FIG4: variants seen among roughly 807,000 people sequenced by gnomAD.
FIG4 encodes polyphosphoinositide phosphatase.
A neutral mutation model predicts 118.6 loss-of-function variants in FIG4; 112 were observed. The ratio of observed to expected loss-of-function variants is 0.94; its 90% CI spans 0.81 to 1.11. The LOEUF is 1.11. Ranked by LOEUF, FIG4 falls within the 50% of genes least tolerant of loss-of-function variation. FIG4 has a pLI of 0.00. For missense variants in FIG4, 969 were observed against 1,111.7 expected, an observed-to-expected ratio of 0.87 and a Z score of 1.83; for synonymous variants, 369 against 381.2, an observed-to-expected ratio of 0.97 and a Z score of 0.37.
rs140009840 is a variant in FIG4 at position 109,696,974 on chromosome 6, C to T, written c.66+5473C>T. On this transcript the variant is annotated intron_variant, in intron 1 of 22. Coordinates refer to ENST00000230124, the MANE Select transcript of FIG4 (RefSeq NM_014845.6). ...CCTGATTTGATCATTACACAGTGTACGCATGTATTAAAATATCACTCTATG... is the reference window on the plus strand; with the variant it reads ...CCTGATTTGATCATTACACAGTGTATGCATGTATTAAAATATCACTCTATG... 9.4e-4 allele frequency among the ~76,000 whole-genome samples: 143 copies of T among 152,114 alleles called. 1 individual carries two copies. Among genetic ancestry groups the T allele is most frequent in the South Asian group, 6.4e-3 (31 of 4,826 alleles).
intron 22 of FIG4, among the ~76,000 whole-genome samples, chr6:109,801,456 G>T (rs998344246): frequency 6.6e-6 from 1 of 152,138 alleles, no homozygotes; most frequent in Non-Finnish European, 1.5e-5. Context: ...GCTGAGGCTG[G>T]AGAATTGCCT....
chr6:109,713,025 GA>G (rs2128380851), intron 1 of FIG4, among the ~76,000 whole-genome samples: 1 of 152,268 alleles, frequency 6.6e-6, no homozygotes, highest in South Asian at 2.1e-4. Context: ...CCAACTCCTG[GA>G]CTGTGTGCTC....
At chr6:109,722,956 C>T (rs1002962814) in intron 3 of FIG4, among the ~76,000 whole-genome samples, 2 of 150,866 alleles carry the variant, frequency 1.3e-5, no homozygotes. Flanking sequence ...GGAAGGAGCC[C>T]TGCCTTCTTG....
chr6:109,691,785 AG>A (rs1341966243), intron 1 of FIG4, among the ~76,000 whole-genome samples: 2 of 152,262 alleles, frequency 1.3e-5, no homozygotes, highest in East Asian at 1.9e-4. Context: ...ACTGTTCATG[AG>A]GTTCTCTGTA....
At chr6:109,716,083 A>G (rs1775420622) in intron 2 of FIG4, among the ~76,000 whole-genome samples, 1 of 152,180 alleles carries the variant, frequency 6.6e-6, no homozygotes, top group Non-Finnish European at 1.5e-5. Context: ...TGAAATGTTA[A>G]GAAAATCTAT....
At chr6:109,701,460 A>T (rs1774904969) in intron 1 of FIG4, among the ~76,000 whole-genome samples, 1 of 152,222 alleles carries the variant, frequency 6.6e-6, no homozygotes, top group African/African-American at 2.4e-5. Flanking sequence ...GGACCTTAGC[A>T]TCACAATAAG....
intron 22 of FIG4, among the ~76,000 whole-genome samples, chr6:109,822,830 G>A (rs992558041): frequency 4.8e-5 from 4 of 84,202 alleles, no homozygotes; most frequent in East Asian, 3.1e-4. Flanking sequence ...TATATATATC[G>A]CTTTCTTCAG....
chr6:109,778,286 C>G (rs1238123557), intron 16 of FIG4, among the ~76,000 whole-genome samples: 1 of 148,662 alleles, frequency 6.7e-6, no homozygotes, highest in Non-Finnish European at 1.5e-5. Flanking sequence ...CATGGTGAAA[C>G]CCCATCTCTA....
At chr6:109,732,389 G>A (rs191040443) in intron 4 of FIG4, among the ~76,000 whole-genome samples, 1 of 152,272 alleles carries the variant, frequency 6.6e-6, no homozygotes, top group African/African-American at 2.4e-5. Flanking sequence ...ACATGTAGAT[G>A]CACGACTTTG....
intron 21 of FIG4, among the ~76,000 whole-genome samples, chr6:109,795,164 C>T (rs1239580957): frequency 1.0e-4 from 12 of 119,310 alleles, no homozygotes; most frequent in Admixed American, 6.0e-4. Context: ...GTCGCCCAGG[C>T]GGGACTGTGG....
Position 109,732,617 on chromosome 6 carries a change from C to CT in FIG4, c.447-17dup, listed in dbSNP as rs764540259. On this transcript the variant is annotated intron_variant, in intron 4 of 22. Coordinates refer to ENST00000230124, the MANE Select transcript of FIG4 (RefSeq NM_014845.6). ...AATAGTATTGGACAAATGAAATGTACTTTGTTTTTTTTTTTTTAGGTATCT... is the reference window on the plus strand; with the variant it reads ...AATAGTATTGGACAAATGAAATGTACTTTTGTTTTTTTTTTTTTAGGTATCT... 4.6e-3 allele frequency: 4,728 copies of CT among 1,032,244 alleles called. 6 individuals are homozygous for CT. The highest frequency in any genetic ancestry group is 5.5e-3 in the Middle Eastern group (26 of 4,770). 63.9% of individuals were successfully genotyped at this position (1,032,244 alleles called of 1,614,324 possible).
At chr6:109,818,493 C>T (rs144196726) in intron 22 of FIG4, among the ~76,000 whole-genome samples, 1,849 of 152,296 alleles carry the variant, frequency 0.012, 43 homozygotes, top group East Asian at 0.11. Flanking sequence ...AGCCACCACA[C>T]CCGGCCTCAC....
chr6:109,694,663 G>A (rs1205451784), intron 1 of FIG4, among the ~76,000 whole-genome samples: 1 of 152,140 alleles, frequency 6.6e-6, no homozygotes, highest in Non-Finnish European at 1.5e-5. Flanking sequence ...CTATAGAATG[G>A]AGAAAATATT....
At chr6:109,692,769 T>C (rs998248857) in intron 1 of FIG4, among the ~76,000 whole-genome samples, 1 of 151,898 alleles carries the variant, frequency 6.6e-6, no homozygotes, top group Non-Finnish European at 1.5e-5. Context: ...CTATCTCGGC[T>C]CACTCACTGC....
chr6:109,757,371 G>A (rs1352854696), intron 10 of FIG4, among the ~76,000 whole-genome samples: 1 of 152,196 alleles, frequency 6.6e-6, no homozygotes, highest in African/African-American at 2.4e-5. Context: ...AAAACTACAT[G>A]ATTATCTCAG....
chr6:109,761,633 C>T (rs1450714722), intron 11 of FIG4, among the ~76,000 whole-genome samples: 3 of 152,204 alleles, frequency 2.0e-5, no homozygotes, highest in Non-Finnish European at 4.4e-5. Flanking sequence ...GTGATCCGCC[C>T]GCATTGGCCT....
At chr6:109,710,231 AG>A in intron 1 of FIG4, among the ~76,000 whole-genome samples, 2 of 152,120 alleles carry the variant, frequency 1.3e-5, no homozygotes, top group Non-Finnish European at 2.9e-5. Flanking sequence ...TTTTGTCTTT[AG>A]TTCTGTTTAT....
At chr6:109,800,688 C>T (rs1157681992) in intron 22 of FIG4, among the ~76,000 whole-genome samples, 2 of 152,164 alleles carry the variant, frequency 1.3e-5, no homozygotes, top group African/African-American at 2.4e-5. Flanking sequence ...GTTGAGGCCC[C>T]ATGAGCATCC....
intron 4 of FIG4, among the ~76,000 whole-genome samples, chr6:109,728,718 A>G (rs1352939296): frequency 6.6e-6 from 1 of 152,210 alleles, no homozygotes. Flanking sequence ...GTCTTGCACT[A>G]ACTGAAAAAG....
Sources: gnomAD v4.1 joint callset for allele counts (sites outside exome capture counted in the v4.1 genomes callset) on GRCh38, gnomAD v4.1.1 for gene constraint, MANE v1.5 for transcripts, NCBI Gene and HGNC (gene_info 2026-07-23, HGNC 2026-07-21) for gene names.